PALMD: variants seen among roughly 807,000 people sequenced by gnomAD.
PALMD encodes paralemmin-like protein.
Under a neutral mutation model 56.2 loss-of-function variants are expected in PALMD, and 42 were observed. That is an observed-to-expected ratio of 0.75 (90% CI 0.58 to 0.97). PALMD has a LOEUF of 0.97. PALMD is among the 50% of genes least tolerant of loss of function. The pLI is 0.00. For synonymous variants in PALMD, 242 were observed against 222.9 expected, an observed-to-expected ratio of 1.09 and a Z score of -0.76; for missense variants, 660 against 643.8, an observed-to-expected ratio of 1.03 and a Z score of -0.27.
chr1:99,689,971 T>C (rs1653617758), intron 7 of PALMD, 99 bp downstream of exon 7: 11 of 1,105,354 alleles, frequency 1.0e-5, no homozygotes, highest in Admixed American at 2.4e-5. Flanking sequence ...GACCACCTCA[T>C]AAACTAATAC....
intron 1 of PALMD, among the ~76,000 whole-genome samples, chr1:99,647,252 G>A (rs1279399810): frequency 1.3e-5 from 2 of 152,116 alleles, no homozygotes; most frequent in Non-Finnish European, 2.9e-5. Flanking sequence ...CAATTTCTCA[G>A]CATTTTCTGC....
At chr1:99,679,090 G>A (rs1653281897) in intron 3 of PALMD, among the ~76,000 whole-genome samples, 1 of 152,094 alleles carries the variant, frequency 6.6e-6, no homozygotes, top group South Asian at 2.1e-4. Flanking sequence ...TGCTGACTCA[G>A]GCCATCCCAG....
Position 99,660,149 on chromosome 1 carries a change from C to T in PALMD, c.46-2170C>T, listed in dbSNP as rs369173894. On this transcript the variant is annotated intron_variant, in intron 1 of 7. Coordinates refer to ENST00000263174, the MANE Select transcript of PALMD (RefSeq NM_017734.5). ...TAGGGAGCTAAAAATGTGCTCCCTGCTAATGAGAGGTCACACTCAGTGCTT... is the reference window on the plus strand; with the variant it reads ...TAGGGAGCTAAAAATGTGCTCCCTGTTAATGAGAGGTCACACTCAGTGCTT... Among the ~76,000 whole-genome samples the T allele has an allele frequency of 3.0e-3, 462 of 152,314 alleles. 3 individuals are homozygous for T. The highest frequency in any genetic ancestry group is 0.011 in the African/African-American group (450 of 41,574).
chr1:99,680,704 A>G (rs1036916389), intron 3 of PALMD, among the ~76,000 whole-genome samples: 1 of 151,836 alleles, frequency 6.6e-6, no homozygotes, highest in Non-Finnish European at 1.5e-5. Flanking sequence ...CCCCACAGTA[A>G]CCTCCCCAAA....
At chr1:99,666,256 GA>G (rs1425116793) in intron 2 of PALMD, among the ~76,000 whole-genome samples, 36 of 150,742 alleles carry the variant, frequency 2.4e-4, no homozygotes, top group Admixed American at 1.8e-3. Context: ...TTTTTTTTAA[GA>G]AAAAAAGATT....
intron 1 of PALMD, 66 bp from the exon 2 acceptor site, chr1:99,662,253 C>T: frequency 1.2e-6 from 1 of 852,468 alleles, no homozygotes; most frequent in Non-Finnish European, 1.9e-6. Context: ...ATAGTGACAA[C>T]AACCCCAAGG....
chr1:99,662,582 T>C (rs1361553552), intron 2 of PALMD, among the ~76,000 whole-genome samples, 183 bp downstream of exon 2: 1 of 152,218 alleles, frequency 6.6e-6, no homozygotes, highest in Non-Finnish European at 1.5e-5. Context: ...TAATACCTTC[T>C]AGCAAACATG....
intron 1 of PALMD, among the ~76,000 whole-genome samples, chr1:99,646,703 TA>T (rs1024784786): frequency 2.5e-4 from 38 of 152,278 alleles, no homozygotes; most frequent in South Asian, 1.0e-3. Context: ...TGGCATTAGA[TA>T]AAAAAACAGA....
chr1:99,689,498 T>C lies in PALMD; in HGVS notation c.1238T>C (p.Val413Ala). ...CCAGACATAAATGATACAGAACCGG[T>C]GACAATGATTTTCATGGGGTATCAG... is the stretch of plus-strand genomic sequence containing the variant. ...LPPDINDTEPVTMIFMGYQQA... is the reference protein window; with the variant it reads ...LPPDINDTEPATMIFMGYQQA... Residue 413 changes from valine to alanine, a missense_variant, in exon 7 of 8, where the codon GTG becomes GCG. Coordinates refer to ENST00000263174, the MANE Select transcript of PALMD (RefSeq NM_017734.5). The C allele has an allele frequency of 1.2e-6, 2 of 1,613,672 alleles. No homozygotes were observed. The highest frequency in any genetic ancestry group is 1.7e-4 in the Middle Eastern group (1 of 6,058).
At chr1:99,688,714 AGC>A (rs1177326910) in intron 6 of PALMD, 59 bp from the exon 7 acceptor site, 35 of 1,043,734 alleles carry the variant, frequency 3.4e-5, no homozygotes, top group Non-Finnish European at 4.5e-5. Flanking sequence ...ACACAGTGAA[AGC>A]AGGTTAGTTT....
Position 99,686,663 on chromosome 1 carries a change from T to G in PALMD, c.252-13T>G. On this transcript the variant is annotated splice_polypyrimidine_tract_variant and intron_variant, in intron 3 of 7. Transcript: ENST00000263174. Reference sequence around the variant, plus strand: ...TGTGTTAAGCAATAAAAAGTATACCTTTTTGTTGTCAGGCTTGAGAAAGAG... The same window carrying G: ...TGTGTTAAGCAATAAAAAGTATACCGTTTTGTTGTCAGGCTTGAGAAAGAG... 1 of 1,424,480 alleles carries G rather than the reference T, an allele frequency of 7.0e-7. No homozygotes were observed. Among genetic ancestry groups the G allele is most frequent in the Non-Finnish European group, 9.8e-7 (1 of 1,016,412 alleles). The allele number at this position is 1,424,480 out of a possible 1,614,324, so 88.2% of individuals were successfully genotyped here.
intron 3 of PALMD, among the ~76,000 whole-genome samples, chr1:99,671,168 G>T (rs531924543): frequency 1.3e-5 from 2 of 152,276 alleles, no homozygotes; most frequent in African/African-American, 4.8e-5. Context: ...ACTCTGCCAG[G>T]CCCCCTCAGC....
chr1:99,660,431 G>A (rs1313040239), intron 1 of PALMD, among the ~76,000 whole-genome samples: 2 of 152,108 alleles, frequency 1.3e-5, no homozygotes, highest in Non-Finnish European at 2.9e-5. Flanking sequence ...TCTTTGTTAT[G>A]ACAAGTATTA....
chr1:99,649,343 C>A (rs1245082560), intron 1 of PALMD, among the ~76,000 whole-genome samples: 1 of 152,178 alleles, frequency 6.6e-6, no homozygotes, highest in Non-Finnish European at 1.5e-5. Context: ...CACACTTGAA[C>A]AAATAGCTGA....
At position 99,646,333 on chromosome 1, in the gene PALMD, C is replaced by T. The variant is rs575014063; in HGVS notation, c.16C>T (p.Leu6=). MEEAE[L]VKGRLQAITD... The stretch of plus-strand genomic sequence containing the variant: ...GACTTCTAGAATGGAAGAAGCTGAG[C>T]TGGTGAAGGGAAGACTCCAGGCCAT... The change falls in exon 1 of 8, where the codon CTG becomes TTG. Residue 6 remains leucine, a synonymous_variant. Coordinates refer to ENST00000263174, the MANE Select transcript of PALMD (RefSeq NM_017734.5). 6.2e-7 allele frequency: 1 copy of T among 1,613,238 alleles called. No homozygotes were observed. The highest frequency in any genetic ancestry group is 8.5e-7 in the Non-Finnish European group (1 of 1,179,184).
chr1:99,655,145 G>A (rs1652689981), intron 1 of PALMD, among the ~76,000 whole-genome samples: 1 of 151,936 alleles, frequency 6.6e-6, no homozygotes, highest in Non-Finnish European at 1.5e-5. Flanking sequence ...CAATAGGAAA[G>A]AATTATTTGA....
chr1:99,659,792 G>T (rs1335333358), intron 1 of PALMD, among the ~76,000 whole-genome samples: 4 of 152,210 alleles, frequency 2.6e-5, no homozygotes, highest in Non-Finnish European at 5.9e-5. Flanking sequence ...ATAGGATCAT[G>T]CCTATAAACA....
chr1:99,667,110 C>T (rs559767150), intron 2 of PALMD, among the ~76,000 whole-genome samples: 3 of 152,306 alleles, frequency 2.0e-5, no homozygotes, highest in South Asian at 4.1e-4. Context: ...TAAGTTACAA[C>T]AGCAACCTTC....
chr1:99,692,412 G>A (rs1033163004), intron 7 of PALMD, among the ~76,000 whole-genome samples: 7 of 152,222 alleles, frequency 4.6e-5, no homozygotes, highest in Admixed American at 4.6e-4. Context: ...GAAGAGGCAG[G>A]GATCAGACAG....
Sources: allele counts gnomAD v4.1 joint callset (sites outside exome capture counted in the v4.1 genomes callset), GRCh38; gene constraint gnomAD v4.1.1; transcripts MANE v1.5; gene names NCBI Gene and HGNC (gene_info 2026-07-23, HGNC 2026-07-21).